The following SGCZ variants were observed in gnomAD, a reference collection of about 807,000 sequenced individuals.
SGCZ encodes sarcoglycan zeta, also known as zeta-sarcoglycan.
In SGCZ, 40 loss-of-function variants were observed where a neutral mutation model predicts 41.3. The observed-to-expected ratio is 0.97, with a 90% CI of 0.75 to 1.26. SGCZ has a LOEUF of 1.26. Ranked by LOEUF, SGCZ falls within the 50% of genes most tolerant of loss-of-function variation. The pLI, the probability that SGCZ is intolerant of heterozygous loss-of-function variation, is 0.00. For synonymous variants in SGCZ, 206 were observed against 137.5 expected (o/e 1.50, Z -3.49); for missense variants, 552 against 369.8 (o/e 1.49, Z -4.04).
At chr8:14,524,497 A>G (rs1342691223) in intron 2 of SGCZ, among the ~76,000 whole-genome samples, 5 of 152,124 alleles carry the variant, frequency 3.3e-5, no homozygotes, top group Non-Finnish European at 7.4e-5. Flanking sequence ...CAAGAAAGAA[A>G]GTCCCAGTCA....
intron 2 of SGCZ, among the ~76,000 whole-genome samples, chr8:14,506,727 G>C (rs1375658611): frequency 2.0e-5 from 3 of 152,072 alleles, no homozygotes; most frequent in Non-Finnish European, 2.9e-5. Context: ...TTACTAAATT[G>C]AATGGTCCAT....
chr8:14,382,153 A>AT (rs111919394), intron 2 of SGCZ, among the ~76,000 whole-genome samples: 49,160 of 151,974 alleles, frequency 0.32, 8,195 homozygotes, highest in African/African-American at 0.4. Context: ...TGTGGAACAA[A>AT]TTTTTTCTGC....
At chr8:14,957,465 C>T (rs1800827351) in intron 1 of SGCZ, among the ~76,000 whole-genome samples, 1 of 151,862 alleles carries the variant, frequency 6.6e-6, no homozygotes, top group Non-Finnish European at 1.5e-5. Flanking sequence ...TACCGATTCT[C>T]AAAAAATAGA....
intron 1 of SGCZ, among the ~76,000 whole-genome samples, chr8:14,967,271 C>T (rs1007562750): frequency 6.6e-6 from 1 of 152,162 alleles, no homozygotes; most frequent in Non-Finnish European, 1.5e-5. Context: ...ATAAACATTA[C>T]TGATTCACCA....
At chr8:14,726,681 T>C (rs1465223930) in intron 1 of SGCZ, among the ~76,000 whole-genome samples, 1 of 151,984 alleles carries the variant, frequency 6.6e-6, no homozygotes, top group Non-Finnish European at 1.5e-5. Flanking sequence ...GATTAATAAA[T>C]GTATAAACAA....
At chr8:14,238,295 C>T (rs117936877) in intron 3 of SGCZ, among the ~76,000 whole-genome samples, 274 of 152,192 alleles carry the variant, frequency 1.8e-3, no homozygotes, top group Non-Finnish European at 2.8e-3. Flanking sequence ...TATGCAGTTA[C>T]GTCATTATTA....
chr8:14,441,432 G>C (rs1401407867), intron 2 of SGCZ, among the ~76,000 whole-genome samples: 1 of 152,034 alleles, frequency 6.6e-6, no homozygotes, highest in Non-Finnish European at 1.5e-5. Flanking sequence ...AAAATTAGTT[G>C]GGCGTGGTGG....
chr8:14,349,392 T>C (rs528137093), intron 2 of SGCZ, among the ~76,000 whole-genome samples: 1 of 152,216 alleles, frequency 6.6e-6, no homozygotes, highest in South Asian at 2.1e-4. Flanking sequence ...TATATATTTG[T>C]GGATTGGTAA....
intron 1 of SGCZ, among the ~76,000 whole-genome samples, chr8:14,896,640 CTAATTTCCG>C (rs1326543688): frequency 6.6e-6 from 1 of 151,858 alleles, no homozygotes; most frequent in African/African-American, 2.4e-5. Context: ...CCACACCTGG[CTAATTTCCG>C]TATTTTCAGG....
At chr8:14,091,456 G>A (rs537510884) in intron 7 of SGCZ, among the ~76,000 whole-genome samples, 2 of 151,318 alleles carry the variant, frequency 1.3e-5, no homozygotes, top group African/African-American at 4.8e-5. Flanking sequence ...CCCACCAACA[G>A]TGTATTTCTC....
intron 1 of SGCZ, among the ~76,000 whole-genome samples, chr8:14,856,179 G>T (rs1000990195): frequency 1.3e-5 from 2 of 152,162 alleles, no homozygotes; most frequent in African/African-American, 4.8e-5. Flanking sequence ...TGGTGTTTAA[G>T]ATTTAGCTAA....
chr8:15,141,599 G>A (rs925791306), intron 1 of SGCZ, among the ~76,000 whole-genome samples: 1 of 152,164 alleles, frequency 6.6e-6, no homozygotes, highest in Non-Finnish European at 1.5e-5. Flanking sequence ...GCCCAAGAAG[G>A]CTTTGACTAA....
intron 3 of SGCZ, among the ~76,000 whole-genome samples, chr8:14,323,680 T>C (rs569607771): frequency 1.3e-5 from 2 of 152,260 alleles, no homozygotes; most frequent in Admixed American, 6.5e-5. Context: ...ATTAAAATTC[T>C]TTGTCATTTC....
intron 1 of SGCZ, among the ~76,000 whole-genome samples, chr8:14,831,057 C>T (rs1338424406): frequency 6.6e-6 from 1 of 152,122 alleles, no homozygotes; most frequent in Non-Finnish European, 1.5e-5. Flanking sequence ...CTCTTTACCT[C>T]AGTCTCAGTT....
chr8:14,169,279 T>G (rs1804301404), intron 4 of SGCZ, among the ~76,000 whole-genome samples: 1 of 152,122 alleles, frequency 6.6e-6, no homozygotes, highest in African/African-American at 2.4e-5. Context: ...CCAGCTACTG[T>G]CTCCCCCTGC....
intron 1 of SGCZ, among the ~76,000 whole-genome samples, chr8:14,646,541 G>T (rs1313547413): frequency 1.3e-5 from 2 of 151,816 alleles, no homozygotes; most frequent in African/African-American, 4.8e-5. Context: ...GTCTCCTTTG[G>T]TAGGACAATT....
chr8:14,317,023 A>G (rs529453896), intron 3 of SGCZ, among the ~76,000 whole-genome samples: 1 of 151,982 alleles, frequency 6.6e-6, no homozygotes, highest in Non-Finnish European at 1.5e-5. Context: ...AAATCTTGAC[A>G]TCATGTTACA....
chr8:14,266,537 T>C (rs1448737301), intron 3 of SGCZ, among the ~76,000 whole-genome samples: 1 of 151,862 alleles, frequency 6.6e-6, no homozygotes, highest in African/African-American at 2.4e-5. Flanking sequence ...TAGGAACAGA[T>C]TAAATGGAGA....
chr8:14,702,813 G>A lies in SGCZ; in HGVS notation c.40-147887C>T, dbSNP rs147339299. 2.4e-4 allele frequency among the ~76,000 whole-genome samples: 28 copies of A among 115,390 alleles called. 1 individual carries two copies. Among genetic ancestry groups the A allele is most frequent in the Middle Eastern group, 9.8e-3 (2 of 204 alleles). The allele number at this position is 115,390 out of a possible 152,430, so 75.7% of individuals were successfully genotyped here. A position where few individuals can be genotyped will look rare whatever the true frequency, so the allele number is the denominator to read the frequency against. ...GACAGGCAGACAGGTAGGTAGTTAGGTAGATAGATAGATAGATAGATAGAT... is the reference window on the plus strand; with the variant it reads ...GACAGGCAGACAGGTAGGTAGTTAGATAGATAGATAGATAGATAGATAGAT... On this transcript the variant is annotated intron_variant, in intron 1 of 7. Transcript: ENST00000382080.
Sources: gnomAD v4.1 joint callset for allele counts (sites outside exome capture counted in the v4.1 genomes callset) on GRCh38, gnomAD v4.1.1 for gene constraint, MANE v1.5 for transcripts, NCBI Gene and HGNC (gene_info 2026-07-23, HGNC 2026-07-21) for gene names.